Variants in LRRC8B observed in about 807,000 individuals in gnomAD.
LRRC8B encodes the protein leucine rich repeat containing 8 VRAC subunit B.
In LRRC8B, 23 loss-of-function variants were observed where a neutral mutation model predicts 58.8. That is an observed-to-expected ratio of 0.39 (90% CI 0.28 to 0.55). The LOEUF (loss-of-function observed/expected upper bound fraction) is 0.55. LRRC8B is among the 20% of genes least tolerant of loss of function. The pLI is 0.62. For missense variants in LRRC8B, 694 were observed against 936.0 expected, an observed-to-expected ratio of 0.74 and a Z score of 3.37; for synonymous variants, 359 against 374.1, an observed-to-expected ratio of 0.96 and a Z score of 0.47.
chr1:89,540,294 T>TG (rs1650860953), intron 1 of LRRC8B, among the ~76,000 whole-genome samples: 1 of 152,270 alleles, frequency 6.6e-6, no homozygotes, highest in South Asian at 2.1e-4. Flanking sequence ...ATGATCCATG[T>TG]GTCCATTACA....
In LRRC8B at chr1:89,583,903, C is replaced by A. The variant is rs41288389; in HGVS notation, c.1253C>A (p.Ala418Asp). The A allele has an allele frequency of 1.2e-3, 2,008 of 1,614,142 alleles. 2 individuals are homozygous for A. The highest frequency in any genetic ancestry group is 1.6e-3 in the Non-Finnish European group (1,909 of 1,180,030). The change falls in exon 5 of 6, where the codon GCC (alanine) becomes GAC (aspartate). Residue 418 changes from alanine to aspartate, a missense_variant. Ala to Asp is a moderately radical substitution (Grantham distance 126). This residue lies in a region of LRRC8B where 162 missense variants were observed against 198.5 expected (regional missense o/e 0.82). Coordinates refer to ENST00000330947, the MANE Select transcript of LRRC8B (RefSeq NM_001369817.2). This position sits in a 1 kb window ranked among gnomAD's most constrained non-coding sequence, Gnocchi z 5.2. ...CTGAAAAGTAAGCTTGTGAAAAATG[C>A]CCAGGACAAGATAGAACTGCATCTT... ...EKLKSKLVKN[A>D]QDKIELHLFM...
At chr1:89,525,834 A>T (rs768978628) in intron 1 of LRRC8B, among the ~76,000 whole-genome samples, 1 of 152,206 alleles carries the variant, frequency 6.6e-6, no homozygotes, top group Non-Finnish European at 1.5e-5. Flanking sequence ...ACTTCCTTGA[A>T]TAAATTCACT....
chr1:89,583,864 G>T lies in LRRC8B; in HGVS notation c.1214G>T (p.Trp405Leu). 1.2e-6 allele frequency: 2 copies of T among 1,614,154 alleles called. No individual in the cohort carries two copies. The highest frequency in any genetic ancestry group is 1.1e-5 in the South Asian group (1 of 91,076). ...KLKQINLNNE[W>L]TVEKLKSKLV... ...AAACAGATCAACCTCAATAATGAAT[G>T]GACAGTTGAGAAACTGAAAAGTAAG... The change falls in exon 5 of 6, where the codon TGG (tryptophan) becomes TTG (leucine). Residue 405 changes from tryptophan to leucine, a missense_variant. By Grantham distance (61) the Trp-to-Leu change is moderately conservative (BLOSUM62 -2). This residue lies in a region of LRRC8B where 162 missense variants were observed against 198.5 expected (regional missense o/e 0.82). Transcript: ENST00000330947. This position sits in a 1 kb window ranked among gnomAD's most constrained non-coding sequence, Gnocchi z 5.2.
chr1:89,592,775 A>G lies in LRRC8B; in HGVS notation c.2144A>G (p.Glu715Gly), dbSNP rs1655066784. The G allele has an allele frequency of 3.1e-6, 5 of 1,612,758 alleles. No individual in the cohort carries two copies. Among genetic ancestry groups the G allele is most frequent in the Non-Finnish European group, 4.2e-6 (5 of 1,179,506 alleles). ...QYFAVTNNNI[E>G]MLPDGLFQCK... ...TCTTTTTTCTTCCCTTTCCAGATTG[A>G]GATGCTACCAGATGGGCTGTTTCAG... The change falls in exon 6 of 6, where the codon GAG (glutamate) becomes GGG (glycine). Residue 715 changes from glutamate (E) to glycine (G), a missense_variant. By Grantham distance (98) the Glu-to-Gly change is moderately conservative. Around this residue, in one of 5 missense-constraint regions of LRRC8B, gnomAD observed 139 missense variants for 158.2 expected, o/e 0.88. Transcript: ENST00000330947.
At chr1:89,534,226 C>T (rs1208790763) in intron 1 of LRRC8B, among the ~76,000 whole-genome samples, 2 of 152,088 alleles carry the variant, frequency 1.3e-5, no homozygotes, top group Admixed American at 6.5e-5. Context: ...TGAAATTTTT[C>T]ATCATAATTT....
Position 89,582,867 on chromosome 1 carries a change from C to G in LRRC8B, c.217C>G (p.Leu73Val). 6.2e-7 allele frequency: 1 copy of G among 1,614,206 alleles called. No individual in the cohort carries two copies. The change falls in exon 5 of 6, where the codon CTG becomes GTG. Residue 73 changes from leucine to valine, a missense_variant. Leu to Val is a conservative substitution (Grantham distance 32). Coordinates refer to ENST00000330947, the MANE Select transcript of LRRC8B (RefSeq NM_001369817.2). ...TCACTGTGCCGTGCCTTGGGACATC[C>G]TGAAAGCCAGCATGAACACATCCTC... Reference protein sequence around the residue: ...DNHCAVPWDILKASMNTSSNP... With the variant: ...DNHCAVPWDIVKASMNTSSNP...
chr1:89,586,941 G>A (rs568033531), intron 5 of LRRC8B, among the ~76,000 whole-genome samples: 1 of 152,196 alleles, frequency 6.6e-6, no homozygotes, highest in Non-Finnish European at 1.5e-5. Context: ...TTAGCCTCAT[G>A]ATGGGAACTA....
intron 1 of LRRC8B, among the ~76,000 whole-genome samples, chr1:89,537,753 A>G (rs1032357887): frequency 5.3e-5 from 8 of 152,142 alleles, no homozygotes; most frequent in African/African-American, 1.9e-4. Context: ...GATTACAGGC[A>G]TGAGCCACCA....
intron 3 of LRRC8B, among the ~76,000 whole-genome samples, chr1:89,574,588 CT>C (rs369208977): frequency 2.0e-5 from 3 of 152,228 alleles, no homozygotes; most frequent in African/African-American, 7.2e-5. Flanking sequence ...CCTTTAACTC[CT>C]TTTTTAACTC....
intron 1 of LRRC8B, chr1:89,559,006 A>G (rs1652399597): frequency 6.6e-6 from 1 of 152,208 alleles, no homozygotes; most frequent in Non-Finnish European, 1.5e-5. Flanking sequence ...TGTTGCTATC[A>G]ACCTGAGATT....
intron 1 of LRRC8B, among the ~76,000 whole-genome samples, chr1:89,562,139 C>A (rs1202058809): frequency 2.0e-5 from 2 of 98,044 alleles, no homozygotes; most frequent in Non-Finnish European, 4.8e-5. Context: ...TGTCTTATAA[C>A]CACCTCCCAA....
rs1317986399 is a variant in LRRC8B at position 89,593,456 on chromosome 1, C to A, written c.*413C>A. On this transcript the variant is annotated 3_prime_UTR_variant, in exon 6 of 6. Transcript: ENST00000330947. ...GTTAATAAAGATGAAGAATGGGTGA[C>A]TATTATGATGAACCATAACTAAATG... 1 of 158,850 alleles carries A rather than the reference C, an allele frequency of 6.3e-6. No homozygotes were observed. 9.8% of individuals were successfully genotyped at this position (158,850 alleles called of 1,614,324 possible). A position where few individuals can be genotyped will look rare whatever the true frequency, so the allele number is the denominator to read the frequency against.
At chr1:89,538,788 T>C (rs865875506) in intron 1 of LRRC8B, among the ~76,000 whole-genome samples, 2 of 152,164 alleles carry the variant, frequency 1.3e-5, no homozygotes, top group Non-Finnish European at 2.9e-5. Context: ...TGACATGATC[T>C]CAGCTCACTG....
chr1:89,533,767 T>C lies in LRRC8B; in HGVS notation c.-241+8745T>C, dbSNP rs539023255. On this transcript the variant is annotated intron_variant, in intron 1 of 5. Coordinates refer to ENST00000330947, the MANE Select transcript of LRRC8B (RefSeq NM_001369817.2). The stretch of plus-strand genomic sequence containing the variant: ...TGGCATACCGTGGGCATGCAGTGGA[T>C]ATCCAGGAGAGAATTAGGGAATACA... 2.6e-5 allele frequency among the ~76,000 whole-genome samples: 4 copies of C among 152,338 alleles called. No individual in the cohort carries two copies. In the South Asian group the frequency reaches 8.3e-4, roughly 32 times the overall value.
intron 3 of LRRC8B, among the ~76,000 whole-genome samples, chr1:89,573,018 C>T (rs997712897): frequency 7.2e-5 from 11 of 152,028 alleles, no homozygotes; most frequent in South Asian, 2.1e-4. Flanking sequence ...ACTCAAATGT[C>T]GGCCAGGCAC....
intron 4 of LRRC8B, 77 bp from the exon 5 acceptor site, chr1:89,582,548 T>C: frequency 1.2e-6 from 1 of 814,226 alleles, no homozygotes; most frequent in East Asian, 2.5e-5. Context: ...AAGGAGGGCA[T>C]GTGTGTATGA....
At chr1:89,529,606 T>G (rs1001930037) in intron 1 of LRRC8B, among the ~76,000 whole-genome samples, 1 of 152,212 alleles carries the variant, frequency 6.6e-6, no homozygotes, top group African/African-American at 2.4e-5. Flanking sequence ...CTTTTTTAAT[T>G]TGGCCTAACT....
At position 89,596,962 on chromosome 1, in the gene LRRC8B, A is replaced by G. The variant is rs1449431851; in HGVS notation, c.*3919A>G. On this transcript the variant is annotated 3_prime_UTR_variant, in exon 6 of 6. Transcript: ENST00000330947. ...TTATTTCTATCTGGAAACAGACAGA[A>G]TGGTGGGGGAGGGAAGGAGTTATTT... 2.0e-5 allele frequency: 3 copies of G among 152,178 alleles called. No individual in the cohort carries two copies. Among genetic ancestry groups the G allele is most frequent in the African/African-American group, 7.2e-5 (3 of 41,460 alleles). The allele number at this position is 152,178 out of a possible 1,614,324, so 9.4% of individuals were successfully genotyped here. A position where few individuals can be genotyped will look rare whatever the true frequency, so the allele number is the denominator to read the frequency against.
intron 1 of LRRC8B, among the ~76,000 whole-genome samples, chr1:89,567,334 C>A (rs10922663): frequency 0.41 from 61,730 of 152,014 alleles, 13,796 homozygotes; most frequent in South Asian, 0.55. Context: ...AAAGAAACTC[C>A]GCTATATTTT....
Sources: allele counts gnomAD v4.1 joint callset (sites outside exome capture counted in the v4.1 genomes callset), GRCh38; gene constraint gnomAD v4.1.1; regional missense constraint gnomAD v4.1.1; non-coding constraint Gnocchi (gnomAD v3.1); transcripts MANE v1.5; gene names NCBI Gene and HGNC (gene_info 2026-07-23, HGNC 2026-07-21).